Variants in NTM observed in about 807,000 individuals in gnomAD.
NTM encodes IgLON family member 2.
NTM carries 13 observed loss-of-function variants against 42.1 expected under a neutral mutation model. The ratio of observed to expected loss-of-function variants is 0.31; its 90% confidence interval spans 0.20 to 0.49. The LOEUF (loss-of-function observed/expected upper bound fraction) is 0.49. NTM is among the 20% of genes least tolerant of loss of function. The pLI, the probability that NTM is intolerant of heterozygous loss-of-function variation, is 0.99. For missense variants in NTM, 373 were observed against 452.8 expected (o/e 0.82, Z 1.60); for synonymous variants, 187 against 179.2 (o/e 1.04, Z -0.35).
intron 1 of NTM, among the ~76,000 whole-genome samples, chr11:131,750,564 A>G (rs777553026): frequency 5.9e-5 from 9 of 152,156 alleles, no homozygotes; most frequent in Non-Finnish European, 1.3e-4. Context: ...CCCCTTTGCT[A>G]CAATCCTGGC....
chr11:131,863,532 T>C (rs888624580), intron 1 of NTM, among the ~76,000 whole-genome samples: 1 of 152,168 alleles, frequency 6.6e-6, no homozygotes, highest in African/African-American at 2.4e-5. Flanking sequence ...CATTCTAACC[T>C]TGGAACTGCA....
chr11:131,797,507 C>T (rs1333316333), intron 1 of NTM, among the ~76,000 whole-genome samples: 1 of 152,116 alleles, frequency 6.6e-6, no homozygotes, highest in Admixed American at 6.5e-5. Context: ...GGGACCTGTG[C>T]AAAGATATGC....
chr11:131,570,617 G>A (rs1044075872), intron 1 of NTM, among the ~76,000 whole-genome samples: 11 of 152,172 alleles, frequency 7.2e-5, no homozygotes, highest in African/African-American at 2.7e-4. Flanking sequence ...GAAGTCAAGA[G>A]ATCGAGAGTA....
chr11:132,334,239 G>C (rs544339487), intron 8 of NTM, among the ~76,000 whole-genome samples: 1 of 152,208 alleles, frequency 6.6e-6, no homozygotes, highest in Non-Finnish European at 1.5e-5. Context: ...AAGCTGCTGG[G>C]GAACTGTACT....
At chr11:132,206,773 A>G (rs1200470318) in intron 3 of NTM, among the ~76,000 whole-genome samples, 1 of 152,116 alleles carries the variant, frequency 6.6e-6, no homozygotes, top group East Asian at 1.9e-4. Flanking sequence ...CCTGTTTCTC[A>G]TTTGTTGAGA....
At chr11:132,111,278 T>C (rs1356855536) in intron 2 of NTM, among the ~76,000 whole-genome samples, 4 of 151,206 alleles carry the variant, frequency 2.6e-5, no homozygotes, top group African/African-American at 7.3e-5. Context: ...TGTGCACATA[T>C]ATAAATATAT....
chr11:131,393,060 G>A (rs563186609), intron 1 of NTM, among the ~76,000 whole-genome samples: 7 of 152,226 alleles, frequency 4.6e-5, no homozygotes, highest in Non-Finnish European at 7.4e-5. Flanking sequence ...CTCCCCTGCC[G>A]TCAGGGATTA....
At chr11:131,947,970 G>A (rs1453946075) in intron 2 of NTM, among the ~76,000 whole-genome samples, 1 of 152,112 alleles carries the variant, frequency 6.6e-6, no homozygotes, top group Non-Finnish European at 1.5e-5. Flanking sequence ...GTAGTAGTAT[G>A]ATTATTTTTA....
chr11:131,657,232 G>C (rs2067318800), intron 1 of NTM, among the ~76,000 whole-genome samples: 1 of 152,142 alleles, frequency 6.6e-6, no homozygotes, highest in Non-Finnish European at 1.5e-5. Context: ...CCCAGTCTGA[G>C]AGTTAGCTGC....
chr11:132,229,107 C>A (rs1408902187), intron 4 of NTM, among the ~76,000 whole-genome samples: 1 of 152,208 alleles, frequency 6.6e-6, no homozygotes, highest in Non-Finnish European at 1.5e-5. Context: ...ACCGTGATCA[C>A]CTCCTTCCCA....
At chr11:131,763,840 T>C (rs542720588) in intron 1 of NTM, among the ~76,000 whole-genome samples, 1 of 151,542 alleles carries the variant, frequency 6.6e-6, no homozygotes, top group African/African-American at 2.4e-5. Context: ...ATGTAACCAT[T>C]ACATAATTCT....
intron 1 of NTM, among the ~76,000 whole-genome samples, chr11:131,865,776 A>G (rs1166449759): frequency 1.3e-5 from 2 of 151,420 alleles, no homozygotes; most frequent in Non-Finnish European, 2.9e-5. Context: ...TGCTACATAC[A>G]CACATGCTAC....
At chr11:131,390,546 G>A (rs1565454508) in intron 1 of NTM, among the ~76,000 whole-genome samples, 1 of 152,132 alleles carries the variant, frequency 6.6e-6, no homozygotes, top group South Asian at 2.1e-4. Context: ...AGCATTCAGT[G>A]ATTTACTTCA....
chr11:132,112,794 C>G (rs147932938), intron 2 of NTM, among the ~76,000 whole-genome samples: 1,997 of 151,820 alleles, frequency 0.013, 23 homozygotes, highest in Non-Finnish European at 0.02. Context: ...GCAGGAGAGG[C>G]TGCTGATCAA....
chr11:131,969,449 CTG>C (rs924876735), intron 2 of NTM, among the ~76,000 whole-genome samples: 2 of 152,234 alleles, frequency 1.3e-5, no homozygotes, highest in African/African-American at 4.8e-5. Context: ...TTACTCAAAA[CTG>C]TGTCTTCTTG....
chr11:131,509,632 A>G (rs1477481473), intron 1 of NTM, among the ~76,000 whole-genome samples: 1 of 152,200 alleles, frequency 6.6e-6, no homozygotes, highest in Non-Finnish European at 1.5e-5. Flanking sequence ...GAGACAGTTT[A>G]TCTCCATACG....
intron 1 of NTM, among the ~76,000 whole-genome samples, chr11:131,617,900 C>T (rs2062107898): frequency 6.6e-6 from 1 of 152,110 alleles, no homozygotes; most frequent in African/African-American, 2.4e-5. Flanking sequence ...GAGGGCGAGC[C>T]ACCCAGTGTG....
intron 3 of NTM, among the ~76,000 whole-genome samples, chr11:132,159,904 T>C (rs1319923956): frequency 1.3e-5 from 2 of 152,252 alleles, no homozygotes; most frequent in African/African-American, 2.4e-5. Flanking sequence ...TGCTGATTAG[T>C]AGGAACTGTG....
At position 131,424,595 on chromosome 11, in the gene NTM, C is replaced by CTTT. The variant is rs1446801058; in HGVS notation, c.82+53709_82+53711dup. ...TGCTTAGTTGTTTTTTATTTCTTTT[C>CTTT]TTTTCTTTTTTTTTTTTTTTTTTGG... On this transcript the variant is annotated intron_variant, in intron 1 of 8. Coordinates refer to ENST00000683400, the MANE Select transcript of NTM (RefSeq NM_001352005.2). Among the ~76,000 whole-genome samples the CTTT allele has an allele frequency of 7.6e-4, 30 of 39,614 alleles. 4 individuals carry two copies. In the East Asian group the frequency reaches 8.6e-3, roughly 11 times the overall value. The allele number at this position is 39,614 out of a possible 152,430, so 26.0% of individuals were successfully genotyped here.
Sources: gnomAD v4.1 joint callset for allele counts (sites outside exome capture counted in the v4.1 genomes callset) on GRCh38, gnomAD v4.1.1 for gene constraint, MANE v1.5 for transcripts, NCBI Gene and HGNC (gene_info 2026-07-23, HGNC 2026-07-21) for gene names.